The following PTPRT variants were observed in gnomAD, a reference collection of about 807,000 sequenced individuals.
PTPRT encodes the protein protein tyrosine phosphatase receptor type T, also known as receptor-type tyrosine-protein phosphatase T.
Under a neutral mutation model 176.8 loss-of-function variants are expected in PTPRT, and 56 were observed. The observed-to-expected ratio is 0.32, with a 90% CI of 0.26 to 0.40. The LOEUF (loss-of-function observed/expected upper bound fraction) is 0.40, where lower values mean the gene tolerates loss of function less well. PTPRT is among the 10% of genes least tolerant of loss of function. PTPRT has a pLI of 1.00. For missense variants in PTPRT, 1,540 were observed against 1,908.2 expected (o/e 0.81, Z 3.60); for synonymous variants, 783 against 739.0 (o/e 1.06, Z -0.96).
intron 12 of PTPRT, among the ~76,000 whole-genome samples, chr20:42,289,800 T>C (rs2057290098): frequency 6.6e-6 from 1 of 152,056 alleles, no homozygotes; most frequent in Non-Finnish European, 1.5e-5. Context: ...TTTCCTAAAA[T>C]CACCCCTTCA....
At chr20:42,954,397 T>C (rs1460485168) in intron 1 of PTPRT, among the ~76,000 whole-genome samples, 3 of 152,032 alleles carry the variant, frequency 2.0e-5, no homozygotes, top group Non-Finnish European at 1.5e-5. Flanking sequence ...TGGGGCCAAA[T>C]CTCCCTCCCC....
At chr20:43,187,135 C>T (rs1233786438) in intron 1 of PTPRT, among the ~76,000 whole-genome samples, 1 of 152,134 alleles carries the variant, frequency 6.6e-6, no homozygotes, top group Non-Finnish European at 1.5e-5. Context: ...GCTTCCGCCC[C>T]GACTTTTGGA....
chr20:42,758,300 A>G (rs142942997), intron 5 of PTPRT, among the ~76,000 whole-genome samples: 40 of 152,248 alleles, frequency 2.6e-4, no homozygotes, highest in African/African-American at 8.9e-4. Context: ...ACTTTCATCT[A>G]TGTCATCTTT....
At chr20:42,707,955 A>C (rs1291210168) in intron 6 of PTPRT, among the ~76,000 whole-genome samples, 2 of 152,204 alleles carry the variant, frequency 1.3e-5, no homozygotes, top group Non-Finnish European at 2.9e-5. Context: ...AAATTATTTT[A>C]AGCTGCCAAG....
chr20:43,143,061 G>A (rs6065582), intron 1 of PTPRT, among the ~76,000 whole-genome samples: 55,127 of 151,968 alleles, frequency 0.36, 10,699 homozygotes, highest in East Asian at 0.73. Flanking sequence ...GATTCAAACC[G>A]GGGGCACCTT....
chr20:42,595,958 A>G (rs1479204812), intron 7 of PTPRT, among the ~76,000 whole-genome samples: 1 of 152,184 alleles, frequency 6.6e-6, no homozygotes, highest in African/African-American at 2.4e-5. Flanking sequence ...TTTTAAAACC[A>G]TAGGTCTTCC....
intron 7 of PTPRT, among the ~76,000 whole-genome samples, chr20:42,660,906 C>A (rs2075211746): frequency 6.6e-6 from 1 of 152,118 alleles, no homozygotes; most frequent in South Asian, 2.1e-4. Flanking sequence ...GGCTGGAGGG[C>A]AGTGGCATGA....
intron 1 of PTPRT, among the ~76,000 whole-genome samples, chr20:43,181,625 A>G (rs2015261012): frequency 6.6e-6 from 1 of 152,220 alleles, no homozygotes; most frequent in Admixed American, 6.5e-5. Flanking sequence ...TCAAAGAGAT[A>G]AACAATCATA....
chr20:42,196,015 A>C (rs1444085257), intron 16 of PTPRT, among the ~76,000 whole-genome samples: 2 of 152,366 alleles, frequency 1.3e-5, no homozygotes, highest in Admixed American at 1.3e-4. Flanking sequence ...AAACATAAGA[A>C]ATCAGTATTA....
At chr20:42,246,567 G>T (rs1346921772) in intron 14 of PTPRT, among the ~76,000 whole-genome samples, 1 of 152,106 alleles carries the variant, frequency 6.6e-6, no homozygotes, top group Non-Finnish European at 1.5e-5. Flanking sequence ...TTATTTTATA[G>T]TTGCTCCTAC....
chr20:42,559,683 C>G (rs1169046786), intron 7 of PTPRT, among the ~76,000 whole-genome samples: 4 of 152,164 alleles, frequency 2.6e-5, no homozygotes, highest in African/African-American at 9.7e-5. Context: ...GAAGGGAGAA[C>G]AACTTGGTCT....
At chr20:42,638,252 C>T (rs2074653325) in intron 7 of PTPRT, among the ~76,000 whole-genome samples, 1 of 152,098 alleles carries the variant, frequency 6.6e-6, no homozygotes, top group African/African-American at 2.4e-5. Flanking sequence ...GAAAATGGGA[C>T]ATCTCAGTAT....
chr20:42,281,498 TTTTTTCTCTC>T (rs2057138394), intron 13 of PTPRT, among the ~76,000 whole-genome samples: 1 of 152,148 alleles, frequency 6.6e-6, no homozygotes, highest in African/African-American at 2.4e-5. Context: ...AGCTGTAGAT[TTTTTTCTCTC>T]TTTTTCTCCC....
rs1986663432 is a variant in PTPRT, at chr20:42,108,256, CA to C, written c.3255-1336del. On this transcript the variant is annotated intron_variant, in intron 23 of 30. Transcript: ENST00000373187. The stretch of plus-strand genomic sequence containing the variant: ...TGTGAGGACAAAGCTGTGTTTATTT[CA>C]TTTCAGCATCACATAGTAATTGAAC... 1.6e-4 allele frequency among the ~76,000 whole-genome samples: 3 copies of C among 19,014 alleles called. No homozygotes were observed. In the African/African-American group the frequency reaches 1.9e-3, roughly 12 times the overall value. 12.5% of individuals were successfully genotyped at this position (19,014 alleles called of 152,430 possible).
In PTPRT at chr20:42,154,043, C is replaced by T. The variant is rs538544830; in HGVS notation, c.2682+7309G>A. Among the ~76,000 whole-genome samples, 6 of 152,166 alleles carry T rather than the reference C, an allele frequency of 3.9e-5. No homozygotes were observed. In the South Asian group the frequency reaches 6.2e-4, roughly 16 times the overall value. Reference sequence around the variant, plus strand: ...GGAGGTGGGGTGGAGTGGAGTGAAACGAGCAGGTGGAGCCCAGGTATTCCT... The same window carrying T: ...GGAGGTGGGGTGGAGTGGAGTGAAATGAGCAGGTGGAGCCCAGGTATTCCT... On this transcript the variant is annotated intron_variant, in intron 17 of 30. Coordinates refer to ENST00000373187, the MANE Select transcript of PTPRT (RefSeq NM_007050.6).
chr20:42,282,523 C>T lies in PTPRT; in HGVS notation c.2142G>A (p.Glu714=). Residue 714 remains glutamate (E), a splice_region_variant and synonymous_variant, in exon 13 of 31, where the codon GAG becomes GAA. Coordinates refer to ENST00000373187, the MANE Select transcript of PTPRT (RefSeq NM_007050.6). The part of the protein sequence containing the change: ...YFQALSKANG[E]TKINCVRLAT... ...CCAGACGAACACAGTTGATTTTGGT[C>T]TCCTGTGAACAACAAAAATGAGATG... 1 of 1,607,758 alleles carries T rather than the reference C, an allele frequency of 6.2e-7. No individual in the cohort carries two copies. The highest frequency in any genetic ancestry group is 1.1e-5 in the South Asian group (1 of 89,656).
chr20:42,553,588 T>G (rs942900418), intron 7 of PTPRT, among the ~76,000 whole-genome samples: 3 of 152,142 alleles, frequency 2.0e-5, no homozygotes, highest in Admixed American at 1.3e-4. Flanking sequence ...CTCTTGCACT[T>G]TCATTTTCTT....
intron 6 of PTPRT, among the ~76,000 whole-genome samples, chr20:42,728,922 T>C (rs372441866): frequency 1.3e-5 from 2 of 152,126 alleles, no homozygotes; most frequent in Admixed American, 1.3e-4. Context: ...TGAATGAATA[T>C]GTAAGACTGA....
At chr20:43,056,490 C>T (rs533082389) in intron 1 of PTPRT, among the ~76,000 whole-genome samples, 1 of 152,150 alleles carries the variant, frequency 6.6e-6, no homozygotes, top group South Asian at 2.1e-4. Flanking sequence ...AGATAGTGAA[C>T]CTAGATCTTC....
Sources: gnomAD v4.1 joint callset for allele counts (sites outside exome capture counted in the v4.1 genomes callset) on GRCh38, gnomAD v4.1.1 for gene constraint, MANE v1.5 for transcripts, NCBI Gene and HGNC (gene_info 2026-07-23, HGNC 2026-07-21) for gene names.